ANXA13: variants seen among roughly 807,000 people sequenced by gnomAD.
ANXA13 encodes the protein annexin A13.
In ANXA13, 36 loss-of-function variants were observed where a neutral mutation model predicts 46.6. The ratio of observed to expected loss-of-function variants is 0.77; its 90% CI spans 0.59 to 1.02. The LOEUF is 1.02. Among genes scored for constraint, ANXA13 ranks in the 50% least tolerant of loss-of-function variants. The pLI, the probability that ANXA13 is intolerant of heterozygous loss-of-function variation, is 0.00. For missense variants in ANXA13, 417 were observed against 396.5 expected (o/e 1.05, Z -0.44); for synonymous variants, 163 against 152.9 (o/e 1.07, Z -0.49).
At chr8:123,735,692 A>G (rs1346353693) in intron 1 of ANXA13, 1 of 1,496,276 alleles carries the variant, frequency 6.7e-7, no homozygotes, top group African/African-American at 1.4e-5. Flanking sequence ...CTGGGGGCTC[A>G]TATTGGCCCC....
intron 1 of ANXA13, chr8:123,728,599 T>C (rs2129941984): frequency 6.6e-6 from 1 of 152,244 alleles, no homozygotes; most frequent in East Asian, 1.9e-4. Context: ...AGTGAGAATA[T>C]TGGGGGCTGA....
At chr8:123,732,361 A>G (rs1814134429) in intron 1 of ANXA13, among the ~76,000 whole-genome samples, 1 of 152,240 alleles carries the variant, frequency 6.6e-6, no homozygotes, top group African/African-American at 2.4e-5. Flanking sequence ...CCCTCAAAAC[A>G]GCCCACAGTC....
Position 123,693,294 on chromosome 8 carries a change from C to T in ANXA13, c.545G>A (p.Gly182Glu), listed in dbSNP as rs773592401. 6.2e-7 allele frequency: 1 copy of T among 1,614,078 alleles called. No individual in the cohort carries two copies. Among genetic ancestry groups the T allele is most frequent in the South Asian group, 1.1e-5 (1 of 91,070 alleles). ...CTCATCAGTGCCCCAGCGGCCTTCC[C>T]CTGCCTCAAGGGTCAAATACAAACA... The part of the protein sequence containing the change: ...GQDAKDLYDA[G>E]EGRWGTDELA... The change falls in exon 8 of 11, where the codon GGG (glycine) becomes GAG (glutamate). Residue 182 changes from glycine (G) to glutamate (E), a missense_variant. Coordinates refer to ENST00000419625, the MANE Select transcript of ANXA13 (RefSeq NM_004306.4).
chr8:123,683,882 C>G (rs1004156879), intron 10 of ANXA13, among the ~76,000 whole-genome samples: 6 of 152,160 alleles, frequency 3.9e-5, no homozygotes, highest in African/African-American at 1.4e-4. Flanking sequence ...CCATTGCACC[C>G]GACCAGCTGT....
chr8:123,695,689 C>A lies in ANXA13; in HGVS notation c.390G>T (p.Arg130Ser), dbSNP rs760948405. Residue 130 changes from arginine to serine, a missense_variant and splice_region_variant, in exon 5 of 11, where the codon AGG becomes AGT. Arg to Ser is a moderately radical substitution (Grantham distance 110). Coordinates refer to ENST00000419625, the MANE Select transcript of ANXA13 (RefSeq NM_004306.4). ...AAGCCAGAATGAAAAGTCACTTACG[C>A]CTTTGGTAGGCCTCTTTAATGGCGA... is the stretch of plus-strand genomic sequence containing the variant. ...EIIAIKEAYQRLFDRSLESDV... is the reference protein window; with the variant it reads ...EIIAIKEAYQSLFDRSLESDV... 6.2e-7 allele frequency: 1 copy of A among 1,613,608 alleles called. No individual in the cohort carries two copies. The highest frequency in any genetic ancestry group is 1.3e-5 in the African/African-American group (1 of 74,860).
chr8:123,682,691 C>T (rs748726400), intron 10 of ANXA13, among the ~76,000 whole-genome samples: 2 of 152,096 alleles, frequency 1.3e-5, no homozygotes, highest in African/African-American at 4.8e-5. Flanking sequence ...CTGCTTGGCT[C>T]CTTGCCCCGT....
In ANXA13 at chr8:123,681,211, A is replaced by G; in HGVS notation, c.*29T>C. ...ATGTGCTCTTGACAAAGGCGGTTCC[A>G]CCCTGTGTTCCTATTGCCCTGGCTT... On this transcript the variant is annotated 3_prime_UTR_variant, in exon 11 of 11. Coordinates refer to ENST00000419625, the MANE Select transcript of ANXA13 (RefSeq NM_004306.4). 6.3e-7 allele frequency: 1 copy of G among 1,581,566 alleles called. No individual in the cohort carries two copies. The highest frequency in any genetic ancestry group is 8.6e-7 in the Non-Finnish European group (1 of 1,164,030).
At chr8:123,691,347 G>A (rs898551807) in intron 8 of ANXA13, among the ~76,000 whole-genome samples, 69 of 152,088 alleles carry the variant, frequency 4.5e-4, no homozygotes, top group African/African-American at 1.7e-3. Flanking sequence ...ACTTGAGCAA[G>A]GCTTTTGAAA....
At chr8:123,717,556 A>G (rs1445571552) in intron 1 of ANXA13, among the ~76,000 whole-genome samples, 3 of 152,244 alleles carry the variant, frequency 2.0e-5, no homozygotes, top group Admixed American at 2.0e-4. Flanking sequence ...TCAAATATTT[A>G]TCTTATAATG....
chr8:123,732,879 T>A (rs957459762), intron 1 of ANXA13, among the ~76,000 whole-genome samples: 5 of 152,166 alleles, frequency 3.3e-5, no homozygotes, highest in Non-Finnish European at 7.4e-5. Flanking sequence ...TCTGGGATAA[T>A]AGATTTCCTG....
At position 123,690,052 on chromosome 8, in the gene ANXA13, CA is replaced by C. The variant is rs1413051813; in HGVS notation, c.643-1107del. Among the ~76,000 whole-genome samples the C allele has an allele frequency of 6.6e-6, 1 of 152,090 alleles. No homozygotes were observed. Among genetic ancestry groups the C allele is most frequent in the Non-Finnish European group, 1.5e-5 (1 of 68,028 alleles). On this transcript the variant is annotated intron_variant, in intron 8 of 10. Coordinates refer to ENST00000419625, the MANE Select transcript of ANXA13 (RefSeq NM_004306.4). The surrounding 1 kb of genome is among the most constrained non-coding windows in gnomAD (Gnocchi z 4.6). Reference sequence around the variant, plus strand: ...GGCCTTGGTGTGTGGCAATAGAAACCAGATTAGAAGAGTGGGGGAACTGTCC... The same window carrying C: ...GGCCTTGGTGTGTGGCAATAGAAACCGATTAGAAGAGTGGGGGAACTGTCC...
In ANXA13 at chr8:123,735,062, T is replaced by C. The variant is rs150045043; in HGVS notation, c.15+2258A>G. Among the ~76,000 whole-genome samples, 837 of 151,394 alleles carry C rather than the reference T, an allele frequency of 5.5e-3. 4 individuals carry two copies. The highest frequency in any genetic ancestry group is 9.5e-3 in the Non-Finnish European group (647 of 67,888). On this transcript the variant is annotated intron_variant, in intron 1 of 10. Coordinates refer to ENST00000419625, the MANE Select transcript of ANXA13 (RefSeq NM_004306.4). ...TCACATACCACATCATATTTTAGAT[T>C]TGCTGAGATTCAGAAAACAAACCAA...
intron 8 of ANXA13, among the ~76,000 whole-genome samples, chr8:123,692,817 A>C (rs1305103047): frequency 6.6e-6 from 1 of 152,064 alleles, no homozygotes; most frequent in African/African-American, 2.4e-5. Context: ...CAGGATTTGC[A>C]CCTGGACTCT....
At chr8:123,719,042 A>G (rs116526704) in intron 1 of ANXA13, among the ~76,000 whole-genome samples, 6,257 of 152,310 alleles carry the variant, frequency 0.041, 146 homozygotes, top group African/African-American at 0.058. Flanking sequence ...AGGTTGCAGC[A>G]AACTCTGGGG....
chr8:123,684,773 T>A (rs1813108435), intron 9 of ANXA13, 51 bp from the exon 10 acceptor site: 1 of 1,406,630 alleles, frequency 7.1e-7, no homozygotes, highest in Non-Finnish European at 1.0e-6. Flanking sequence ...TTTTGTGGAA[T>A]GACCTTGGGA....
At chr8:123,704,457 G>A (rs182907715) in intron 2 of ANXA13, among the ~76,000 whole-genome samples, 81 of 151,518 alleles carry the variant, frequency 5.3e-4, no homozygotes, top group African/African-American at 1.8e-3. Context: ...AGGCTAGAGC[G>A]CAGTGGCATG....
In ANXA13 at chr8:123,695,537, C is replaced by T. The variant is rs746759310; in HGVS notation, c.436G>A (p.Gly146Arg). 2 of 1,613,824 alleles carry T rather than the reference C, an allele frequency of 1.2e-6. No individual in the cohort carries two copies. The highest frequency in any genetic ancestry group is 1.1e-5 in the South Asian group (1 of 91,060). The change falls in exon 6 of 11, where the codon GGA becomes AGA. Residue 146 changes from glycine (G) to arginine (R), a missense_variant. Transcript: ENST00000419625. Reference protein sequence around the residue: ...LESDVKGDTSGNLKKILVSLL... With the variant: ...LESDVKGDTSRNLKKILVSLL... ...GACACCAGGATTTTTTTTAGGTTTC[C>T]ACTTGTATCACCTTTGACATCTGAT...
At chr8:123,683,853 C>T (rs534541013) in intron 10 of ANXA13, among the ~76,000 whole-genome samples, 247 of 152,300 alleles carry the variant, frequency 1.6e-3, no homozygotes, top group Non-Finnish European at 3.0e-3. Flanking sequence ...TCCCAAAGTG[C>T]TGGGATTACA....
chr8:123,708,201 A>G (rs758022730), intron 2 of ANXA13, among the ~76,000 whole-genome samples: 19 of 152,204 alleles, frequency 1.2e-4, no homozygotes, highest in Non-Finnish European at 2.8e-4. Flanking sequence ...AAAATGAGAA[A>G]AGAAGGAGCC....
Sources: gnomAD v4.1 joint callset for allele counts (sites outside exome capture counted in the v4.1 genomes callset) on GRCh38, gnomAD v4.1.1 for gene constraint, Gnocchi (gnomAD v3.1) non-coding constraint, MANE v1.5 for transcripts, NCBI Gene and HGNC (gene_info 2026-07-23, HGNC 2026-07-21) for gene names.